Variants in SLC30A6 observed in about 807,000 individuals in gnomAD.
SLC30A6 encodes the protein zinc transporter 6.
In SLC30A6, 55 loss-of-function variants were observed where a neutral mutation model predicts 63.0. That is an observed-to-expected ratio of 0.87 (90% CI 0.70 to 1.09). The LOEUF is 1.09. SLC30A6 is among the 50% of genes least tolerant of loss of function. The pLI, the probability that SLC30A6 is intolerant of heterozygous loss-of-function variation, is 0.00. For missense variants in SLC30A6, 587 were observed against 549.2 expected, an observed-to-expected ratio of 1.07 and a Z score of -0.69; for synonymous variants, 224 against 186.1, an observed-to-expected ratio of 1.20 and a Z score of -1.66.
chr2:32,177,878 C>T (rs1162135955), intron 4 of SLC30A6, among the ~76,000 whole-genome samples: 1 of 151,962 alleles, frequency 6.6e-6, no homozygotes, highest in Non-Finnish European at 1.5e-5. Context: ...ATCTGCCTGC[C>T]TCCGCCTCCC....
At position 32,171,222 on chromosome 2, in the gene SLC30A6, A is replaced by G; in HGVS notation, c.4-65A>G. 5 of 1,344,802 alleles carry G rather than the reference A, an allele frequency of 3.7e-6. No homozygotes were observed. The East Asian group carries it at 6.9e-5, about 19-fold the overall frequency. 83.3% of individuals were successfully genotyped at this position (1,344,802 alleles called of 1,614,324 possible). A position where few individuals can be genotyped will look rare whatever the true frequency, so the allele number is the denominator to read the frequency against. On this transcript the variant is annotated intron_variant, in intron 1 of 13. Transcript: ENST00000282587. ...TTTATATCATAGGAACCACTATATC[A>G]TATCATAGGAACTCTGAAGATGATT...
intron 5 of SLC30A6, chr2:32,187,433 G>C (rs1162499045): frequency 5.8e-6 from 2 of 346,968 alleles, no homozygotes; most frequent in Middle Eastern, 1.0e-3. Flanking sequence ...AGTTACTGTG[G>C]ATAGAAGACA....
At chr2:32,180,156 C>CT (rs1243432828) in intron 4 of SLC30A6, among the ~76,000 whole-genome samples, 2 of 152,012 alleles carry the variant, frequency 1.3e-5, no homozygotes, top group East Asian at 1.9e-4. Flanking sequence ...AATCCCAGCA[C>CT]TTTGAGAAGC....
chr2:32,202,880 T>G lies in SLC30A6; in HGVS notation c.666-1710T>G. ...GAAAAATGACTCAAAAGGCTGCAGCTTCTGTGGAACATTTGGCCATCCGGT... is the reference window on the plus strand; with the variant it reads ...GAAAAATGACTCAAAAGGCTGCAGCGTCTGTGGAACATTTGGCCATCCGGT... On this transcript the variant is annotated intron_variant, in intron 10 of 13. Coordinates refer to ENST00000282587, the MANE Select transcript of SLC30A6 (RefSeq NM_017964.5). The G allele has an allele frequency of 3.2e-6, 3 of 938,344 alleles. No homozygotes were observed. In the South Asian group the frequency reaches 3.9e-5, roughly 12 times the overall value. 58.1% of individuals were successfully genotyped at this position (938,344 alleles called of 1,614,324 possible). A position where few individuals can be genotyped will look rare whatever the true frequency, so the allele number is the denominator to read the frequency against.
chr2:32,220,780 T>C lies in SLC30A6; in HGVS notation c.*67T>C. The C allele has an allele frequency of 7.2e-7, 1 of 1,387,080 alleles. No homozygotes were observed. The highest frequency in any genetic ancestry group is 2.1e-5 in the Admixed American group (1 of 47,114). 85.9% of individuals were successfully genotyped at this position (1,387,080 alleles called of 1,614,324 possible). On this transcript the variant is annotated 3_prime_UTR_variant, in exon 14 of 14. Transcript: ENST00000282587. The stretch of plus-strand genomic sequence containing the variant: ...CTTCCAATTTATTTAGTAATCCAAC[T>C]TTGCATTGACTGTTTAATCATTTAC...
intron 2 of SLC30A6, among the ~76,000 whole-genome samples, chr2:32,172,112 G>T (rs77603854): frequency 6.1e-4 from 93 of 152,266 alleles, no homozygotes; most frequent in African/African-American, 2.2e-3. Context: ...TGTGTTTCAT[G>T]CTTCTCATTG....
chr2:32,200,157 T>C (rs1010452834), intron 10 of SLC30A6, among the ~76,000 whole-genome samples: 5 of 152,126 alleles, frequency 3.3e-5, no homozygotes, highest in African/African-American at 1.2e-4. Flanking sequence ...TTGTCCCCTC[T>C]TTCCCATTCT....
At chr2:32,179,447 A>G (rs923951545) in intron 4 of SLC30A6, among the ~76,000 whole-genome samples, 1 of 152,192 alleles carries the variant, frequency 6.6e-6, no homozygotes, top group African/African-American at 2.4e-5. Context: ...AAACTTGACC[A>G]TACAGCAGAA....
In SLC30A6 at chr2:32,222,965, A is replaced by C. The variant is rs145982750; in HGVS notation, c.*2252A>C. 4.5e-3 allele frequency: 688 copies of C among 152,342 alleles called. 5 individuals carry two copies. Among genetic ancestry groups the C allele is most frequent in the Middle Eastern group, 6.8e-3 (2 of 294 alleles). The allele number at this position is 152,342 out of a possible 1,614,324, so 9.4% of individuals were successfully genotyped here. A position where few individuals can be genotyped will look rare whatever the true frequency, so the allele number is the denominator to read the frequency against. On this transcript the variant is annotated 3_prime_UTR_variant, in exon 14 of 14. Coordinates refer to ENST00000282587, the MANE Select transcript of SLC30A6 (RefSeq NM_017964.5). Reference sequence around the variant, plus strand: ...TTTTATGCCTACTTCCTCAACACCAATTCAGAGGCAACACCTGTGCATCTG... The same window carrying C: ...TTTTATGCCTACTTCCTCAACACCACTTCAGAGGCAACACCTGTGCATCTG...
At chr2:32,186,338 A>G (rs1272990195) in intron 5 of SLC30A6, among the ~76,000 whole-genome samples, 1 of 152,216 alleles carries the variant, frequency 6.6e-6, no homozygotes, top group Non-Finnish European at 1.5e-5. Flanking sequence ...AATCAGTTGT[A>G]AGGTATAGAT....
intron 4 of SLC30A6, among the ~76,000 whole-genome samples, chr2:32,179,206 C>T (rs371024792): frequency 3.0e-4 from 45 of 152,254 alleles, no homozygotes; most frequent in Middle Eastern, 3.4e-3. Context: ...TAAATTGGTG[C>T]AGCATCTCGA....
Position 32,220,589 on chromosome 2 carries a change from G to A in SLC30A6, c.1262G>A (p.Ser421Asn), listed in dbSNP as rs756845144. 6.2e-7 allele frequency: 1 copy of A among 1,614,178 alleles called. No individual in the cohort carries two copies. Among genetic ancestry groups the A allele is most frequent in the East Asian group, 2.2e-5 (1 of 44,884 alleles). Residue 421 changes from serine to asparagine, a missense_variant, in exon 14 of 14, where the codon AGC becomes AAC. Coordinates refer to ENST00000282587, the MANE Select transcript of SLC30A6 (RefSeq NM_017964.5). ...FGLNHGHTPY[S>N]SMLNQGLGVP... Reference sequence around the variant, plus strand: ...CTCAATCATGGACACACACCTTACAGCAGCATGCTTAATCAAGGACTTGGA... The same window carrying A: ...CTCAATCATGGACACACACCTTACAACAGCATGCTTAATCAAGGACTTGGA...
At chr2:32,177,819 G>A (rs1033513187) in intron 4 of SLC30A6, among the ~76,000 whole-genome samples, 1 of 151,870 alleles carries the variant, frequency 6.6e-6, no homozygotes, top group Non-Finnish European at 1.5e-5. Context: ...AGTAGAGACA[G>A]GGTTTTCCCA....
At chr2:32,212,553 T>A (rs1685338340) in intron 13 of SLC30A6, among the ~76,000 whole-genome samples, 1 of 151,338 alleles carries the variant, frequency 6.6e-6, no homozygotes, top group African/African-American at 2.4e-5. Flanking sequence ...AGATTTTTGT[T>A]CTGGCTTTCT....
At chr2:32,191,959 G>A (rs1426463459) in intron 5 of SLC30A6, among the ~76,000 whole-genome samples, 2 of 152,124 alleles carry the variant, frequency 1.3e-5, no homozygotes, top group African/African-American at 4.8e-5. Flanking sequence ...CTAACGCACA[G>A]TGGGTCAATT....
chr2:32,203,042 T>C, intron 10 of SLC30A6: 1 of 1,238,362 alleles, frequency 8.1e-7, no homozygotes, highest in African/African-American at 1.5e-5. Context: ...TAAAACAGAA[T>C]GCCCAGTGTT....
At chr2:32,200,561 C>G (rs11887458) in intron 10 of SLC30A6, among the ~76,000 whole-genome samples, 13,382 of 150,928 alleles carry the variant, frequency 0.089, 687 homozygotes, top group Middle Eastern at 0.2. Context: ...TACCCCCAAC[C>G]CTGTGCTCTC....
rs149431399 is a variant in SLC30A6, at chr2:32,209,296, G to C, written c.817-197G>C. Among the ~76,000 whole-genome samples, 3 of 152,316 alleles carry C rather than the reference G, an allele frequency of 2.0e-5. No individual in the cohort carries two copies. In the East Asian group the frequency reaches 5.8e-4, roughly 29 times the overall value. On this transcript the variant is annotated intron_variant, in intron 12 of 13. Transcript: ENST00000282587. ...AGAATTGGGGCAAGCAAGAAACGAG[G>C]AAAGCAAGGTCTTGGGTCAGTATGG...
chr2:32,187,010 AAAAAAG>A (rs1682886946), intron 5 of SLC30A6: 22 of 357,844 alleles, frequency 6.1e-5, no homozygotes, highest in South Asian at 3.8e-4. Flanking sequence ...AAAAAAAAAA[AAAAAAG>A]AAAGAAAAAG....
Sources: gnomAD v4.1 joint callset for allele counts (sites outside exome capture counted in the v4.1 genomes callset) on GRCh38, gnomAD v4.1.1 for gene constraint, MANE v1.5 for transcripts, NCBI Gene and HGNC (gene_info 2026-07-23, HGNC 2026-07-21) for gene names.